Variants in ERC2 observed in about 807,000 individuals in gnomAD.
ERC2 encodes ELKS/RAB6-interacting/CAST family member 2, also known as ERC protein 2.
Under a neutral mutation model 114.8 loss-of-function variants are expected in ERC2, and 42 were observed. The ratio of observed to expected loss-of-function variants is 0.37; its 90% CI spans 0.29 to 0.47. ERC2 has a LOEUF of 0.47. Ranked by LOEUF, ERC2 falls within the 20% of genes least tolerant of loss-of-function variation. The probability of loss-of-function intolerance (pLI) is 0.99; values close to 1 mark genes in which losing one functional copy is unlikely to be tolerated. For missense variants in ERC2, 939 were observed against 1,150.7 expected (o/e 0.82, Z 2.66); for synonymous variants, 454 against 425.5 (o/e 1.07, Z -0.82).
chr3:55,547,994 G>A (rs927790316), intron 17 of ERC2, among the ~76,000 whole-genome samples: 1 of 152,238 alleles, frequency 6.6e-6, no homozygotes, highest in Non-Finnish European at 1.5e-5. Context: ...TCTTCAGGCT[G>A]TCAGGTCTAG....
At chr3:55,906,609 T>G (rs1264472756) in intron 13 of ERC2, among the ~76,000 whole-genome samples, 1 of 152,150 alleles carries the variant, frequency 6.6e-6, no homozygotes, top group African/African-American at 2.4e-5. Flanking sequence ...CCCTTCTGAT[T>G]GATTCTGATT....
intron 17 of ERC2, among the ~76,000 whole-genome samples, chr3:55,570,653 A>G (rs988022175): frequency 7.9e-5 from 12 of 152,312 alleles, no homozygotes; most frequent in South Asian, 4.2e-4. Flanking sequence ...CAGATAAACC[A>G]CCTAGACTGG....
intron 3 of ERC2, among the ~76,000 whole-genome samples, chr3:56,257,465 A>G (rs1023788446): frequency 2.0e-5 from 3 of 152,158 alleles, no homozygotes; most frequent in African/African-American, 4.8e-5. Flanking sequence ...TATCTGCCCA[A>G]TGCTAAGGCT....
intron 3 of ERC2, among the ~76,000 whole-genome samples, chr3:56,179,704 A>G (rs2873169): frequency 0.91 from 138,837 of 151,874 alleles, 63,905 homozygotes; most frequent in East Asian, 1. Context: ...ACAACAGGAA[A>G]AATGGAAGTG....
At chr3:56,313,266 T>C (rs1364144093) in intron 2 of ERC2, among the ~76,000 whole-genome samples, 13 of 151,484 alleles carry the variant, frequency 8.6e-5, no homozygotes, top group Admixed American at 7.2e-4. Flanking sequence ...AGTTTTAAAT[T>C]AGACAGTCGT....
chr3:55,791,156 C>T (rs887850767), intron 14 of ERC2, among the ~76,000 whole-genome samples: 1 of 152,148 alleles, frequency 6.6e-6, no homozygotes, highest in Non-Finnish European at 1.5e-5. Context: ...CTAGATAACA[C>T]AAGCACTTGT....
At chr3:56,051,970 A>G (rs1158230833) in intron 7 of ERC2, among the ~76,000 whole-genome samples, 1 of 152,172 alleles carries the variant, frequency 6.6e-6, no homozygotes, top group South Asian at 2.1e-4. Flanking sequence ...CAATAAATTG[A>G]GTATAAACTA....
At chr3:56,451,592 C>T (rs950189999) in intron 1 of ERC2, among the ~76,000 whole-genome samples, 2 of 152,024 alleles carry the variant, frequency 1.3e-5, no homozygotes, top group African/African-American at 4.8e-5. Context: ...ACAGAAACCC[C>T]CTTAACAATG....
intron 7 of ERC2, among the ~76,000 whole-genome samples, chr3:56,073,765 A>C (rs2076849845): frequency 1.3e-5 from 2 of 152,172 alleles, no homozygotes; most frequent in African/African-American, 4.8e-5. Flanking sequence ...TCATCTTTTG[A>C]GGTCTCAGTC....
chr3:56,081,545 T>G (rs1486047970), intron 6 of ERC2, among the ~76,000 whole-genome samples: 1 of 151,866 alleles, frequency 6.6e-6, no homozygotes, highest in African/African-American at 2.4e-5. Context: ...ATGAGACTGC[T>G]TTCCAAATAC....
At chr3:56,456,426 GAACA>G (rs1160150651) in intron 1 of ERC2, among the ~76,000 whole-genome samples, 2 of 152,126 alleles carry the variant, frequency 1.3e-5, no homozygotes, top group Admixed American at 6.5e-5. Context: ...TTAAAAAGCT[GAACA>G]AACAAAACTT....
intron 17 of ERC2, among the ~76,000 whole-genome samples, chr3:55,519,797 CT>C (rs780104111): frequency 3.3e-5 from 5 of 152,088 alleles, no homozygotes; most frequent in African/African-American, 4.8e-5. Context: ...CTTTGGGAGA[CT>C]GAGGTGGGTG....
chr3:55,750,676 C>A (rs2066640850), intron 14 of ERC2, among the ~76,000 whole-genome samples: 1 of 152,170 alleles, frequency 6.6e-6, no homozygotes, highest in Non-Finnish European at 1.5e-5. Context: ...GATTAAAATT[C>A]TCTTTTGCTT....
intron 16 of ERC2, among the ~76,000 whole-genome samples, chr3:55,690,383 C>T (rs1273743381): frequency 6.6e-6 from 1 of 152,144 alleles, no homozygotes; most frequent in Admixed American, 6.5e-5. Context: ...TCCCTGCTTC[C>T]CGACATTTCA....
chr3:55,674,649 A>G (rs559090439), intron 17 of ERC2, among the ~76,000 whole-genome samples: 6 of 152,334 alleles, frequency 3.9e-5, no homozygotes, highest in African/African-American at 1.2e-4. Flanking sequence ...GTCTTTCGCC[A>G]CATATGGGAG....
intron 7 of ERC2, among the ~76,000 whole-genome samples, chr3:56,027,675 A>C (rs781559961): frequency 1.4e-4 from 21 of 152,066 alleles, no homozygotes; most frequent in Admixed American, 1.2e-3. Context: ...TTGTTTTACT[A>C]TTCACCGTTG....
At chr3:56,444,402 T>C (rs1215795360) in intron 1 of ERC2, among the ~76,000 whole-genome samples, 2 of 152,198 alleles carry the variant, frequency 1.3e-5, no homozygotes, top group Non-Finnish European at 2.9e-5. Context: ...AAAAAATTAG[T>C]TGCGCAACAC....
At chr3:55,715,335 G>C (rs1281562580) in intron 15 of ERC2, among the ~76,000 whole-genome samples, 1 of 152,096 alleles carries the variant, frequency 6.6e-6, no homozygotes, top group Admixed American at 6.6e-5. Flanking sequence ...CCTAAGATTG[G>C]GAGTATCTCT....
chr3:55,900,661 A>G (rs2064083008), intron 13 of ERC2, among the ~76,000 whole-genome samples: 1 of 152,216 alleles, frequency 6.6e-6, no homozygotes, highest in Non-Finnish European at 1.5e-5. Context: ...ACCTTGAACA[A>G]TAGGGAGTGG....
Sources: allele counts gnomAD v4.1 joint callset (sites outside exome capture counted in the v4.1 genomes callset), GRCh38; gene constraint gnomAD v4.1.1; transcripts MANE v1.5; gene names NCBI Gene and HGNC (gene_info 2026-07-23, HGNC 2026-07-21).